The following GRAMD1B variants were observed in gnomAD, a reference collection of about 807,000 sequenced individuals.
GRAMD1B encodes the protein GRAM domain containing 1B.
A neutral mutation model predicts 99.7 loss-of-function variants in GRAMD1B; 37 were observed. That is an observed-to-expected ratio of 0.37 (90% CI 0.29 to 0.49). The LOEUF (loss-of-function observed/expected upper bound fraction) is 0.49, where lower values mean the gene tolerates loss of function less well. Among genes scored for constraint, GRAMD1B ranks in the 20% least tolerant of loss-of-function variants. The pLI is 0.98. For synonymous variants in GRAMD1B, 427 were observed against 387.6 expected, an observed-to-expected ratio of 1.10 and a Z score of -1.19; for missense variants, 888 against 1,009.2, an observed-to-expected ratio of 0.88 and a Z score of 1.63.
At chr11:123,485,316 A>G in intron 2 of GRAMD1B, among the ~76,000 whole-genome samples, 1 of 152,100 alleles carries the variant, frequency 6.6e-6, no homozygotes, top group East Asian at 1.9e-4. Context: ...TTAATAAAAC[A>G]TTTTCTTTTC....
In GRAMD1B at chr11:123,610,344, G is replaced by A. The variant is rs540314980; in HGVS notation, c.1919+6G>A. On this transcript the variant is annotated splice_donor_region_variant and intron_variant, in intron 14 of 19. Transcript: ENST00000635736. This position sits in a 1 kb window ranked among gnomAD's most constrained non-coding sequence, Gnocchi z 4.1. The stretch of plus-strand genomic sequence containing the variant: ...CGGAACAAGAGCCGACTCAGGTGTG[G>A]TGTGTGGAAGTCCCAGTGCGGTCAG... 5.0e-5 allele frequency: 80 copies of A among 1,613,814 alleles called. No homozygotes were observed. In the South Asian group the frequency reaches 8.1e-4, roughly 16 times the overall value.
At chr11:123,370,466 G>A (rs922818404) in intron 1 of GRAMD1B, among the ~76,000 whole-genome samples, 13 of 146,770 alleles carry the variant, frequency 8.9e-5, no homozygotes, top group Admixed American at 2.1e-4. Context: ...TCAGCCTCCT[G>A]AGTAGCTGGG....
At position 123,537,174 on chromosome 11, in the gene GRAMD1B, TG is replaced by T. The variant is rs543199512; in HGVS notation, c.453-40188del. ...TGCTCTAGCAGAGTGCCTGCTGTCA[TG>T]GGGGTAGCCAGAGCTGGACCTCCCT... On this transcript the variant is annotated intron_variant, in intron 2 of 19. Coordinates refer to ENST00000635736, the MANE Select transcript of GRAMD1B (RefSeq NM_001387025.1). 2.0e-3 allele frequency among the ~76,000 whole-genome samples: 298 copies of T among 152,290 alleles called. 1 individual carries two copies. Among genetic ancestry groups the T allele is most frequent in the Non-Finnish European group, 2.9e-4 (20 of 68,026 alleles).
chr11:123,379,751 C>T (rs150795787), intron 1 of GRAMD1B, among the ~76,000 whole-genome samples: 19 of 152,294 alleles, frequency 1.2e-4, no homozygotes, highest in African/African-American at 2.9e-4. Context: ...TTTGAGTGAC[C>T]GCCAGACTAT....
chr11:123,615,785 G>T (rs915838898), intron 17 of GRAMD1B, among the ~76,000 whole-genome samples: 1 of 152,200 alleles, frequency 6.6e-6, no homozygotes, highest in African/African-American at 2.4e-5. Context: ...AGTGTAGGCT[G>T]CAGTCACTGC....
At chr11:123,467,976 G>A (rs930344251) in intron 1 of GRAMD1B, among the ~76,000 whole-genome samples, 1 of 151,948 alleles carries the variant, frequency 6.6e-6, no homozygotes, top group African/African-American at 2.4e-5. Flanking sequence ...CGATTCTCCT[G>A]CCTCAGCCTC....
intron 1 of GRAMD1B, among the ~76,000 whole-genome samples, chr11:123,463,121 G>A (rs1039767629): frequency 9.9e-5 from 15 of 152,132 alleles, no homozygotes; most frequent in African/African-American, 3.6e-4. Context: ...TGATTCTCAT[G>A]CCTCAGCCTC....
chr11:123,531,384 G>A (rs2846308), intron 2 of GRAMD1B, among the ~76,000 whole-genome samples: 138,456 of 152,240 alleles, frequency 0.91, 62,993 homozygotes, highest in East Asian at 1. Context: ...CTGGCTTGAA[G>A]TAAGCAGCAA....
intron 2 of GRAMD1B, among the ~76,000 whole-genome samples, chr11:123,507,273 C>A (rs115938112): frequency 7.9e-5 from 12 of 151,732 alleles, no homozygotes; most frequent in Non-Finnish European, 1.6e-4. Context: ...TTGGCCCCCA[C>A]ACCTTTGGTT....
At chr11:123,398,101 G>T (rs553910759) in intron 1 of GRAMD1B, among the ~76,000 whole-genome samples, 1 of 152,174 alleles carries the variant, frequency 6.6e-6, no homozygotes, top group South Asian at 2.1e-4. Flanking sequence ...AAATACTCAG[G>T]AGTGAAATTG....
At chr11:123,426,340 G>T (rs187632414), upstream of GRAMD1B, among the ~76,000 whole-genome samples, 22 of 152,178 alleles carry the variant, frequency 1.4e-4, no homozygotes, top group East Asian at 4.1e-3. Flanking sequence ...CCTTACACTC[G>T]GTAAATGTTT....
At position 123,587,568 on chromosome 11, in the gene GRAMD1B, CA is replaced by C. The variant is rs200647704; in HGVS notation, c.684+3237del. On this transcript the variant is annotated intron_variant, in intron 4 of 19. Transcript: ENST00000635736. The surrounding 1 kb of genome is among the most constrained non-coding windows in gnomAD (Gnocchi z 4.2). ...CTCAGCCCCCAACGGGGCATAACAT[CA>C]CAGGGGTTTCCTTCCTTGGCCTCCT... 1.3e-5 allele frequency among the ~76,000 whole-genome samples: 2 copies of C among 152,354 alleles called. No homozygotes were observed. Among genetic ancestry groups the C allele is most frequent in the East Asian group, 3.9e-4 (2 of 5,180 alleles).
At chr11:123,619,730 C>T (rs552499299) in intron 19 of GRAMD1B, among the ~76,000 whole-genome samples, 11 of 152,136 alleles carry the variant, frequency 7.2e-5, no homozygotes, top group African/African-American at 2.2e-4. Context: ...TATTCCCCCC[C>T]GCAAAACTAG....
intron 1 of GRAMD1B, among the ~76,000 whole-genome samples, chr11:123,474,772 G>T (rs1190362045): frequency 6.6e-6 from 1 of 152,060 alleles, no homozygotes; most frequent in African/African-American, 2.4e-5. Flanking sequence ...AGAGCCTTTT[G>T]CAGCTTCTAA....
chr11:123,582,425 G>A (rs1949459724), intron 3 of GRAMD1B, among the ~76,000 whole-genome samples: 1 of 152,246 alleles, frequency 6.6e-6, no homozygotes, highest in Non-Finnish European at 1.5e-5. Context: ...TTTACCTGCT[G>A]AGACCTCTGA....
At chr11:123,431,784 T>A (rs986713252) in intron 1 of GRAMD1B, among the ~76,000 whole-genome samples, 1 of 152,228 alleles carries the variant, frequency 6.6e-6, no homozygotes, top group African/African-American at 2.4e-5. Flanking sequence ...CTGTGGTTTG[T>A]ACCAGCTAGT....
intron 4 of GRAMD1B, among the ~76,000 whole-genome samples, chr11:123,589,218 A>T (rs1950372094): frequency 6.6e-6 from 1 of 151,828 alleles, no homozygotes; most frequent in Non-Finnish European, 1.5e-5. Flanking sequence ...CGGCAAGTGC[A>T]GTAGAAGATA....
chr11:123,521,854 G>A (rs1317933556), intron 2 of GRAMD1B, among the ~76,000 whole-genome samples: 5 of 152,200 alleles, frequency 3.3e-5, no homozygotes, highest in Non-Finnish European at 7.3e-5. Flanking sequence ...TGCTCTGGGA[G>A]GCCATGAAAA....
Position 123,605,488 on chromosome 11 carries a change from G to GTCA in GRAMD1B, c.1323+11_1323+13dup. The GTCA allele has an allele frequency of 2.5e-6, 4 of 1,602,816 alleles. No homozygotes were observed. Among genetic ancestry groups the GTCA allele is most frequent in the Non-Finnish European group, 3.4e-6 (4 of 1,173,786 alleles). On this transcript the variant is annotated intron_variant, in intron 10 of 19. Transcript: ENST00000635736. ...TGAGGCCCCCGTCTCGGTATGGGCA[G>GTCA]TCAGCCTTTGACTTCTACCCCCAGT...
Sources: allele counts gnomAD v4.1 joint callset (sites outside exome capture counted in the v4.1 genomes callset), GRCh38; gene constraint gnomAD v4.1.1; non-coding constraint Gnocchi (gnomAD v3.1); transcripts MANE v1.5; gene names NCBI Gene and HGNC (gene_info 2026-07-23, HGNC 2026-07-21).